The following DST variants were observed in gnomAD, a reference collection of about 807,000 sequenced individuals.
DST encodes the protein dystonin.
A neutral mutation model predicts 875.2 loss-of-function variants in DST; 253 were observed. The ratio of observed to expected loss-of-function variants is 0.29; its 90% CI spans 0.26 to 0.32. DST has a LOEUF of 0.32. Among genes scored for constraint, DST ranks in the 10% least tolerant of loss-of-function variants. The pLI is 1.00. For missense variants in DST, 8,287 were observed against 9,111.6 expected, an observed-to-expected ratio of 0.91 and a Z score of 3.68; for synonymous variants, 3,124 against 3,197.1, an observed-to-expected ratio of 0.98 and a Z score of 0.77.
chr6:56,810,960 T>A (rs914426998), intron 4 of DST, among the ~76,000 whole-genome samples: 2 of 151,694 alleles, frequency 1.3e-5, no homozygotes, highest in African/African-American at 4.8e-5. Flanking sequence ...GGCAGGAGGA[T>A]CGTTTGAGCC....
At chr6:56,799,563 G>C (rs954082506) in intron 4 of DST, among the ~76,000 whole-genome samples, 20 of 150,640 alleles carry the variant, frequency 1.3e-4, no homozygotes, top group Non-Finnish European at 2.4e-4. Context: ...TGAAGGCTCA[G>C]ATGACCTTCA....
intron 5 of DST, among the ~76,000 whole-genome samples, chr6:56,727,827 G>A (rs1000558350): frequency 6.6e-6 from 1 of 152,142 alleles, no homozygotes; most frequent in Non-Finnish European, 1.5e-5. Flanking sequence ...TTATATTTTG[G>A]CATAATGCAA....
At chr6:56,626,580 C>T (rs775287210) in intron 34 of DST, among the ~76,000 whole-genome samples, 1 of 152,134 alleles carries the variant, frequency 6.6e-6, no homozygotes, top group Non-Finnish European at 1.5e-5. Flanking sequence ...AATCACCTAA[C>T]AACGCATTTC....
At position 56,572,116 on chromosome 6, in the gene DST, C is replaced by G. The variant is rs759202844; in HGVS notation, c.13705G>C (p.Asp4569His). The change falls in exon 53 of 104, where the codon GAT becomes CAT. Residue 4569 changes from aspartate (D) to histidine (H), a missense_variant. Asp to His is a moderately conservative substitution (Grantham distance 81). Transcript: ENST00000680361. ...GGTACTTACTTTTCTTTGATGGTATCCTCCATTTCCTTGAATTTCTTTGAC... is the reference window on the plus strand; with the variant it reads ...GGTACTTACTTTTCTTTGATGGTATGCTCCATTTCCTTGAATTTCTTTGAC... ...NLSKKFKEME[D>H]TIKEKKEAVT... The G allele has an allele frequency of 6.7e-6, 10 of 1,501,064 alleles. No individual in the cohort carries two copies. The highest frequency in any genetic ancestry group is 8.9e-6 in the Non-Finnish European group (10 of 1,125,608). The allele number at this position is 1,501,064 out of a possible 1,614,324, so 93.0% of individuals were successfully genotyped here.
At chr6:56,941,817 AAGATAGTTGG>A (rs1187968229) in intron 2 of DST, among the ~76,000 whole-genome samples, 4 of 152,296 alleles carry the variant, frequency 2.6e-5, no homozygotes, top group African/African-American at 9.6e-5. Flanking sequence ...CAGTTAGGTC[AAGATAGTTGG>A]TAGAGTTGTT....
At chr6:56,777,102 C>T (rs976308529) in intron 4 of DST, among the ~76,000 whole-genome samples, 1 of 151,520 alleles carries the variant, frequency 6.6e-6, no homozygotes, top group Non-Finnish European at 1.5e-5. Flanking sequence ...AAATGCTTCT[C>T]TTATTGCTGA....
At chr6:56,825,026 T>G (rs2099778389) in intron 4 of DST, among the ~76,000 whole-genome samples, 1 of 152,174 alleles carries the variant, frequency 6.6e-6, no homozygotes, top group African/African-American at 2.4e-5. Context: ...GAACGGGCCA[T>G]GATGACAATG....
At chr6:56,616,470 C>T in intron 36 of DST, 1 of 1,614,036 alleles carries the variant, frequency 6.2e-7, no homozygotes, top group South Asian at 1.1e-5. Context: ...GTTTTCTTGA[C>T]ATTGAGATTG....
chr6:56,617,140 C>G, intron 36 of DST: 1 of 1,607,502 alleles, frequency 6.2e-7, no homozygotes, highest in South Asian at 1.1e-5. Context: ...CAATTGTTCT[C>G]ATGTCCAGAA....
At chr6:56,634,983 A>G in intron 24 of DST, 30 bp from the exon 25 acceptor site, 1 of 1,578,102 alleles carries the variant, frequency 6.3e-7, no homozygotes, top group Admixed American at 1.7e-5. Context: ...AATTTTAAGA[A>G]GTAAAAGACT....
At chr6:56,568,648 C>T (rs1418999732) in intron 54 of DST, 53 bp from the exon 55 acceptor site, 21 of 1,419,174 alleles carry the variant, frequency 1.5e-5, no homozygotes, top group Non-Finnish European at 1.8e-5. Flanking sequence ...CAGAGTTGCA[C>T]ATTATAATTC....
intron 3 of DST, among the ~76,000 whole-genome samples, chr6:56,866,191 A>T (rs1773984945): frequency 6.6e-6 from 1 of 151,808 alleles, no homozygotes; most frequent in Admixed American, 6.6e-5. Context: ...AGATGGGCCA[A>T]CTCACTATGT....
chr6:56,860,010 T>C (rs1354083236), intron 3 of DST, among the ~76,000 whole-genome samples: 4 of 152,168 alleles, frequency 2.6e-5, no homozygotes, highest in South Asian at 2.1e-4. Flanking sequence ...AGCACCATCA[T>C]TGTAGATGCA....
intron 5 of DST, among the ~76,000 whole-genome samples, chr6:56,723,214 T>C (rs990213052): frequency 2.0e-5 from 3 of 152,180 alleles, no homozygotes; most frequent in Non-Finnish European, 2.9e-5. Flanking sequence ...TCAGTTATAA[T>C]TCAAGAGAAC....
chr6:56,931,456 C>G (rs181747645), intron 2 of DST, among the ~76,000 whole-genome samples: 1 of 152,226 alleles, frequency 6.6e-6, no homozygotes, highest in Non-Finnish European at 1.5e-5. Flanking sequence ...CACATAGAGT[C>G]CCTACTGGGG....
At chr6:56,705,475 G>A (rs1323559662) in intron 5 of DST, among the ~76,000 whole-genome samples, 2 of 152,204 alleles carry the variant, frequency 1.3e-5, no homozygotes, top group African/African-American at 2.4e-5. Context: ...TAAACTGGAA[G>A]CAAACTTTTA....
At chr6:56,871,925 A>C (rs1196850300) in intron 3 of DST, among the ~76,000 whole-genome samples, 1 of 152,222 alleles carries the variant, frequency 6.6e-6, no homozygotes, top group Non-Finnish European at 1.5e-5. Context: ...TGTTGAAAAG[A>C]ACGTGGCTCC....
chr6:56,556,604 A>C (rs1245762599), intron 59 of DST, among the ~76,000 whole-genome samples: 1 of 152,192 alleles, frequency 6.6e-6, no homozygotes, highest in Non-Finnish European at 1.5e-5. Flanking sequence ...TTTTACAAAA[A>C]CTTATTTGAA....
chr6:56,574,909 C>T (rs911220878), intron 50 of DST, among the ~76,000 whole-genome samples: 7 of 152,166 alleles, frequency 4.6e-5, no homozygotes, highest in Admixed American at 6.6e-5. Context: ...TGAAACATCT[C>T]TAACATCTTA....
Sources: gnomAD v4.1 joint callset for allele counts (sites outside exome capture counted in the v4.1 genomes callset) on GRCh38, gnomAD v4.1.1 for gene constraint, MANE v1.5 for transcripts, NCBI Gene and HGNC (gene_info 2026-07-23, HGNC 2026-07-21) for gene names.